The following CDC42BPA variants were observed in gnomAD, a reference collection of about 807,000 sequenced individuals.
The protein encoded by CDC42BPA is serine/threonine-protein kinase MRCK alpha.
In CDC42BPA, 80 loss-of-function variants were observed where a neutral mutation model predicts 223.5. That is an observed-to-expected ratio of 0.36 (90% CI 0.30 to 0.43). The LOEUF (loss-of-function observed/expected upper bound fraction) is 0.43. CDC42BPA is among the 20% of genes least tolerant of loss of function. CDC42BPA has a pLI of 1.00. For missense variants in CDC42BPA, 1,743 were observed against 2,099.9 expected (o/e 0.83, Z 3.32); for synonymous variants, 694 against 718.6 (o/e 0.97, Z 0.55).
At chr1:227,275,093 T>A (rs955822559) in intron 1 of CDC42BPA, among the ~76,000 whole-genome samples, 2 of 152,170 alleles carry the variant, frequency 1.3e-5, no homozygotes, top group Non-Finnish European at 2.9e-5. Flanking sequence ...GAAGAAATAC[T>A]ATTTTGAAAA....
intron 1 of CDC42BPA, among the ~76,000 whole-genome samples, chr1:227,296,829 T>C (rs941919964): frequency 3.5e-5 from 5 of 143,536 alleles, no homozygotes; most frequent in Admixed American, 2.1e-4. Flanking sequence ...AAGGGACAAA[T>C]TGGATTTCAT....
chr1:227,177,840 G>C (rs193211469), intron 5 of CDC42BPA, among the ~76,000 whole-genome samples: 4 of 151,774 alleles, frequency 2.6e-5, no homozygotes, highest in Non-Finnish European at 5.9e-5. Flanking sequence ...CAATCTTTTT[G>C]TCTGTTTTTC....
rs558857226 is a variant in CDC42BPA, at chr1:227,019,063, A to G, written c.4616-2013T>C. ...CTCCTTTCACAAAAGATGGTTCTCCATAGCATAATGATGCTGTTTGGTAAC... is the reference window on the plus strand; with the variant it reads ...CTCCTTTCACAAAAGATGGTTCTCCGTAGCATAATGATGCTGTTTGGTAAC... On this transcript the variant is annotated intron_variant, in intron 32 of 36. Transcript: ENST00000366766. Among the ~76,000 whole-genome samples the G allele has an allele frequency of 1.1e-4, 17 of 152,350 alleles. No individual in the cohort carries two copies. In the South Asian group the frequency reaches 3.5e-3, roughly 32 times the overall value.
intron 1 of CDC42BPA, among the ~76,000 whole-genome samples, chr1:227,257,873 C>T (rs2718211): frequency 0.29 from 43,416 of 150,520 alleles, 6,977 homozygotes; most frequent in East Asian, 0.37. Flanking sequence ...TACAGACCTA[C>T]TAGAACTAAA....
chr1:227,076,149 G>A (rs967769011), intron 17 of CDC42BPA, among the ~76,000 whole-genome samples: 1 of 152,026 alleles, frequency 6.6e-6, no homozygotes, highest in African/African-American at 2.4e-5. Flanking sequence ...AAGTTCCACT[G>A]TACTCTAAGT....
chr1:227,053,604 A>C (rs1673974747), intron 21 of CDC42BPA, among the ~76,000 whole-genome samples: 1 of 152,176 alleles, frequency 6.6e-6, no homozygotes, highest in South Asian at 2.1e-4. Context: ...TCCCAACTCA[A>C]GTCCAAATTC....
chr1:227,161,082 T>C (rs570644936), intron 5 of CDC42BPA, among the ~76,000 whole-genome samples: 1 of 152,314 alleles, frequency 6.6e-6, no homozygotes, highest in South Asian at 2.1e-4. Flanking sequence ...CTGCAGGTCA[T>C]GACAACACAA....
intron 5 of CDC42BPA, among the ~76,000 whole-genome samples, chr1:227,185,378 G>C (rs935992381): frequency 1.3e-5 from 2 of 152,080 alleles, no homozygotes; most frequent in African/African-American, 2.4e-5. Flanking sequence ...GATTCCCACC[G>C]TTGTCCTCTT....
chr1:227,010,410 A>G (rs1450318608), intron 34 of CDC42BPA, among the ~76,000 whole-genome samples: 2 of 152,160 alleles, frequency 1.3e-5, no homozygotes, highest in African/African-American at 4.8e-5. Context: ...CTTTTCAAAA[A>G]GGGGTTTATT....
chr1:227,014,256 T>C (rs966456431), intron 34 of CDC42BPA, among the ~76,000 whole-genome samples: 7 of 152,076 alleles, frequency 4.6e-5, no homozygotes, highest in African/African-American at 1.7e-4. Context: ...GACCTGAAAA[T>C]TTTTAAAAGT....
Position 227,028,680 on chromosome 1 carries a change from C to T in CDC42BPA, c.4409G>A (p.Trp1470Ter). The change falls in exon 30 of 37, where the codon TGG (tryptophan) becomes TAG (stop). Residue 1470 changes from tryptophan to a stop codon, truncating the protein, a stop_gained. Coordinates refer to ENST00000366766, the MANE Select transcript of CDC42BPA (RefSeq NM_001394014.1). LOFTEE classifies it high-confidence loss of function. Reference protein sequence around the residue: ...GRRSRQQELMWPANPSSCCYN... With the variant: ...GRRSRQQELM ...ACAACAAGAGGAAGGATTTGCTGGCCACATCAATTCCTGTTGTCTAGATCT... is the reference window on the plus strand; with the variant it reads ...ACAACAAGAGGAAGGATTTGCTGGCTACATCAATTCCTGTTGTCTAGATCT... 6.4e-7 allele frequency: 1 copy of T among 1,569,616 alleles called. No homozygotes were observed. The highest frequency in any genetic ancestry group is 8.7e-7 in the Non-Finnish European group (1 of 1,152,258).
chr1:227,311,779 G>C (rs933064873), intron 1 of CDC42BPA, among the ~76,000 whole-genome samples: 5 of 150,778 alleles, frequency 3.3e-5, no homozygotes, highest in Admixed American at 6.6e-5. Flanking sequence ...AGCAACTCAG[G>C]AACACAGTAT....
intron 33 of CDC42BPA, 133 bp downstream of exon 33, chr1:227,016,794 G>A: frequency 1.3e-6 from 1 of 768,086 alleles, no homozygotes; most frequent in Non-Finnish European, 2.0e-6. Context: ...ATTCATTATT[G>A]CAGTTTTTGA....
chr1:227,137,706 T>C (rs1312183356), intron 10 of CDC42BPA, among the ~76,000 whole-genome samples: 1 of 148,770 alleles, frequency 6.7e-6, no homozygotes, highest in Non-Finnish European at 1.5e-5. Context: ...ACTGCTGATA[T>C]ATACAAAACA....
chr1:227,109,833 C>T (rs939517086), intron 14 of CDC42BPA, among the ~76,000 whole-genome samples: 1 of 151,312 alleles, frequency 6.6e-6, no homozygotes, highest in Non-Finnish European at 1.5e-5. Context: ...AGGAATTTTT[C>T]CAACTCCGTT....
chr1:227,225,613 T>G (rs1365847936), intron 2 of CDC42BPA, among the ~76,000 whole-genome samples: 2 of 152,202 alleles, frequency 1.3e-5, no homozygotes, highest in Admixed American at 6.5e-5. Context: ...ACAATAAAAG[T>G]ATTTTATATC....
At chr1:227,240,260 G>A (rs542725539) in intron 2 of CDC42BPA, among the ~76,000 whole-genome samples, 1 of 152,080 alleles carries the variant, frequency 6.6e-6, no homozygotes, top group African/African-American at 2.4e-5. Flanking sequence ...AAACATCCTT[G>A]AGAAAATTAA....
intron 14 of CDC42BPA, among the ~76,000 whole-genome samples, chr1:227,110,988 G>A (rs1353594893): frequency 6.6e-6 from 1 of 152,122 alleles, no homozygotes; most frequent in African/African-American, 2.4e-5. Context: ...CTGGTCCTTT[G>A]CCAGGGCCAA....
intron 4 of CDC42BPA, 22 bp downstream of exon 4, chr1:227,199,535 G>A (rs1671359316): frequency 2.3e-6 from 3 of 1,306,698 alleles, no homozygotes; most frequent in Non-Finnish European, 3.3e-6. Flanking sequence ...ACAGTATATA[G>A]AAATACAAAA....
Sources: gnomAD v4.1 joint callset for allele counts (sites outside exome capture counted in the v4.1 genomes callset) on GRCh38, gnomAD v4.1.1 for gene constraint, MANE v1.5 for transcripts, NCBI Gene and HGNC (gene_info 2026-07-23, HGNC 2026-07-21) for gene names.